Variants in SLC4A8 observed in about 807,000 individuals in gnomAD.
The protein encoded by SLC4A8 is electroneutral sodium bicarbonate exchanger 1.
SLC4A8 carries 40 observed loss-of-function variants against 125.0 expected under a neutral mutation model. The observed-to-expected ratio is 0.32, with a 90% confidence interval of 0.25 to 0.42. The LOEUF (loss-of-function observed/expected upper bound fraction) is 0.42. Among genes scored for constraint, SLC4A8 ranks in the 10% least tolerant of loss-of-function variants. The pLI is 1.00. For synonymous variants in SLC4A8, 456 were observed against 476.0 expected, an observed-to-expected ratio of 0.96 and a Z score of 0.55; for missense variants, 863 against 1,355.1, an observed-to-expected ratio of 0.64 and a Z score of 5.70.
rs1417382339 is a variant in SLC4A8 at position 51,463,676 on chromosome 12, T to G, written c.1311T>G (p.His437Gln). 1 of 1,613,994 alleles carries G rather than the reference T, an allele frequency of 6.2e-7. No homozygotes were observed. Among genetic ancestry groups the G allele is most frequent in the Non-Finnish European group, 8.5e-7 (1 of 1,179,916 alleles). Reference sequence around the variant, plus strand: ...TTTGCCACATAGAACAGGAACCACATGGGGGTCACAGTGGGCCAGAACTTC... The same window carrying G: ...TTTGCCACATAGAACAGGAACCACAGGGGGGTCACAGTGGGCCAGAACTTC... ...GNVCHIEQEP[H>Q]GGHSGPELQR... The change falls in exon 11 of 25, where the codon CAT becomes CAG. Residue 437 changes from histidine to glutamine, a missense_variant. Coordinates refer to ENST00000453097, the MANE Select transcript of SLC4A8 (RefSeq NM_001039960.3).
upstream of SLC4A8, among the ~76,000 whole-genome samples, chr12:51,424,054 C>CAAAAAAAAAAAAAAAAA (rs1334821004): frequency 1.3e-5 from 1 of 77,442 alleles, no homozygotes; most frequent in Non-Finnish European, 2.5e-5. Flanking sequence ...AAAAAAAAAA[C>CAAAAAAAAAAAAAAAAA]AAAAAAAACA....
chr12:51,496,610 C>G (rs894351865), intron 21 of SLC4A8, among the ~76,000 whole-genome samples: 4 of 152,202 alleles, frequency 2.6e-5, no homozygotes, highest in Non-Finnish European at 4.4e-5. Flanking sequence ...AACCCATCAT[C>G]CCACTGTGAG....
chr12:51,421,352 C>T (rs151337786), upstream of SLC4A8, among the ~76,000 whole-genome samples: 1 of 152,332 alleles, frequency 6.6e-6, no homozygotes, highest in Non-Finnish European at 1.5e-5. Context: ...ACCAAATCAT[C>T]CCTGGGAGGA....
chr12:51,437,032 T>C (rs1949444566), intron 1 of SLC4A8, among the ~76,000 whole-genome samples: 1 of 152,242 alleles, frequency 6.6e-6, no homozygotes, highest in Non-Finnish European at 1.5e-5. Context: ...AACTTAATAT[T>C]ATATTTTGGA....
rs547388094 is a variant in SLC4A8 at position 51,476,070 on chromosome 12, C to T, written c.2172+864C>T. Among the ~76,000 whole-genome samples the T allele has an allele frequency of 4.6e-5, 7 of 152,334 alleles. No homozygotes were observed. In the South Asian group the frequency reaches 1.5e-3, roughly 32 times the overall value. On this transcript the variant is annotated intron_variant, in intron 16 of 24. Transcript: ENST00000453097. ...TTACATGTACTTTTACCACAGTATA[C>T]CAAGCTAAACCTCAAACATACGAAT...
intron 1 of SLC4A8, among the ~76,000 whole-genome samples, chr12:51,400,742 A>G (rs1319128032): frequency 0.014 from 7 of 518 alleles, 2 homozygotes; most frequent in Non-Finnish European, 0.03. Context: ...ATATATATAT[A>G]TATATATATA....
chr12:51,417,989 C>A (rs1271643503), intron 1 of SLC4A8, among the ~76,000 whole-genome samples: 3 of 152,164 alleles, frequency 2.0e-5, no homozygotes, highest in South Asian at 4.1e-4. Context: ...TTGCTAAATT[C>A]CAGACTCCTG....
chr12:51,463,723 T>C lies in SLC4A8; in HGVS notation c.1349+9T>C. The stretch of plus-strand genomic sequence containing the variant: ...CTTCAGCGCACTGGGCGGTAAGTCC[T>C]GGGACGTTTCACAGCGATGCTGCTT... On this transcript the variant is annotated intron_variant, in intron 11 of 24. Transcript: ENST00000453097. The C allele has an allele frequency of 1.3e-6, 2 of 1,596,990 alleles. No homozygotes were observed. The highest frequency in any genetic ancestry group is 1.7e-6 in the Non-Finnish European group (2 of 1,165,114).
chr12:51,433,168 T>A (rs945895970), intron 1 of SLC4A8, among the ~76,000 whole-genome samples: 1 of 152,254 alleles, frequency 6.6e-6, no homozygotes, highest in Non-Finnish European at 1.5e-5. Flanking sequence ...TCTGGTCTGC[T>A]ACTCAGTTAT....
At chr12:51,473,497 G>C (rs576601434) in intron 14 of SLC4A8, among the ~76,000 whole-genome samples, 1 of 151,938 alleles carries the variant, frequency 6.6e-6, no homozygotes, top group African/African-American at 2.4e-5. Flanking sequence ...ATTACTTTTC[G>C]TTTTGTCAAT....
intron 1 of SLC4A8, among the ~76,000 whole-genome samples, chr12:51,413,343 A>C (rs2137976074): frequency 6.6e-6 from 1 of 152,300 alleles, no homozygotes; most frequent in South Asian, 2.1e-4. Flanking sequence ...GTTTGCAAAT[A>C]ATTTCTCTCA....
At chr12:51,450,558 CTCAG>C (rs1390877760) in intron 2 of SLC4A8, 3 of 252,004 alleles carry the variant, frequency 1.2e-5, no homozygotes, top group South Asian at 6.5e-5. Context: ...AAAAAAATCA[CTCAG>C]TCAAATTGTC....
intron 1 of SLC4A8, among the ~76,000 whole-genome samples, chr12:51,401,624 G>T (rs1948395335): frequency 6.6e-6 from 1 of 152,154 alleles, no homozygotes; most frequent in Non-Finnish European, 1.5e-5. Context: ...AGCCGCTTGT[G>T]TCTCTGCCCG....
intron 16 of SLC4A8, among the ~76,000 whole-genome samples, chr12:51,482,541 A>C (rs895042852): frequency 6.6e-6 from 1 of 151,954 alleles, no homozygotes; most frequent in Non-Finnish European, 1.5e-5. Flanking sequence ...CACCATGTCT[A>C]GCTAATTTTT....
intron 1 of SLC4A8, among the ~76,000 whole-genome samples, chr12:51,399,945 G>A (rs1232257918): frequency 6.6e-6 from 1 of 150,876 alleles, no homozygotes; most frequent in Non-Finnish European, 1.5e-5. Context: ...TTGCGTGACT[G>A]CACTCCAGTC....
intron 16 of SLC4A8, among the ~76,000 whole-genome samples, chr12:51,481,869 C>T (rs1361432935): frequency 6.6e-6 from 1 of 152,022 alleles, no homozygotes; most frequent in Non-Finnish European, 1.5e-5. Flanking sequence ...GGAAGGATCA[C>T]TTGAGGCCAG....
intron 16 of SLC4A8, among the ~76,000 whole-genome samples, chr12:51,475,928 G>T (rs886410546): frequency 1.3e-5 from 2 of 152,138 alleles, no homozygotes; most frequent in Non-Finnish European, 2.9e-5. Context: ...TCAGTCACAT[G>T]GAAACATCTA....
chr12:51,495,470 C>CTTTTT (rs3028942), intron 21 of SLC4A8, among the ~76,000 whole-genome samples: 1,000 of 76,180 alleles, frequency 0.013, 4 homozygotes, highest in Middle Eastern at 0.02. Flanking sequence ...TTTCTTTCTT[C>CTTTTT]TTTTTTTTTT....
In SLC4A8 at chr12:51,393,439, T is replaced by C. The variant is rs1948199280; in HGVS notation, c.-112+1951T>C. 2.0e-5 allele frequency among the ~76,000 whole-genome samples: 3 copies of C among 152,036 alleles called. No homozygotes were observed. The South Asian group carries it at 6.2e-4, about 32-fold the overall frequency. On this transcript the variant is annotated intron_variant, in intron 1 of 24. Coordinates refer to the SLC4A8 transcript ENST00000358657. ...ACCCTAAGACCTGGGAGCAGGAGCA[T>C]GAGTGAGTAGATCCTAGCAAGAAGT...
Sources: gnomAD v4.1 joint callset for allele counts (sites outside exome capture counted in the v4.1 genomes callset) on GRCh38, gnomAD v4.1.1 for gene constraint, MANE v1.5 for transcripts, NCBI Gene and HGNC (gene_info 2026-07-23, HGNC 2026-07-21) for gene names.